The following RBFOX1 variants were observed in gnomAD, a reference collection of about 807,000 sequenced individuals.
RBFOX1 encodes RNA binding protein fox-1 homolog 1.
In RBFOX1, 8 loss-of-function variants were observed where a neutral mutation model predicts 57.7. The observed-to-expected ratio is 0.14, with a 90% confidence interval of 0.08 to 0.25. RBFOX1 has a LOEUF of 0.25. RBFOX1 is among the 10% of genes least tolerant of loss of function. The probability of loss-of-function intolerance (pLI) is 1.00; values close to 1 mark genes in which losing one functional copy is unlikely to be tolerated. For synonymous variants in RBFOX1, 326 were observed against 222.4 expected (o/e 1.47, Z -4.15); for missense variants, 611 against 548.5 (o/e 1.11, Z -1.14).
At chr16:6,975,206 C>G (rs898565866) in intron 3 of RBFOX1, among the ~76,000 whole-genome samples, 2 of 152,018 alleles carry the variant, frequency 1.3e-5, no homozygotes, top group Non-Finnish European at 2.9e-5. Context: ...AGCATCTGCC[C>G]GACGCACAGA....
chr16:5,250,050 T>C (rs1467389483), intron 1 of RBFOX1, among the ~76,000 whole-genome samples: 1 of 149,712 alleles, frequency 6.7e-6, no homozygotes, highest in Non-Finnish European at 1.5e-5. Flanking sequence ...AGGAGGAGGT[T>C]GTAGTGAGGA....
At position 7,587,240 on chromosome 16, in the gene RBFOX1, T is replaced by A; in HGVS notation, c.415-7T>A. ...CTTGCTTATAAGATATTTCTATTTC[T>A]TTGCAGCAATTTGGTAAAATCTTAG... On this transcript the variant is annotated splice_region_variant and splice_polypyrimidine_tract_variant and intron_variant, in intron 6 of 15. Coordinates refer to ENST00000550418, the MANE Select transcript of RBFOX1 (RefSeq NM_018723.4). 1 of 1,567,894 alleles carries A rather than the reference T, an allele frequency of 6.4e-7. No individual in the cohort carries two copies. The highest frequency in any genetic ancestry group is 8.6e-7 in the Non-Finnish European group (1 of 1,156,876).
At chr16:5,787,163 A>C (rs2054531162) in intron 3 of RBFOX1, among the ~76,000 whole-genome samples, 1 of 152,278 alleles carries the variant, frequency 6.6e-6, no homozygotes, top group African/African-American at 2.4e-5. Context: ...GGAGGAGCTC[A>C]TAGCATTTCT....
intron 3 of RBFOX1, among the ~76,000 whole-genome samples, chr16:5,774,944 A>T (rs1017302968): frequency 1.3e-5 from 2 of 152,120 alleles, no homozygotes; most frequent in African/African-American, 4.8e-5. Context: ...CGGCCTCCCA[A>T]AGTGTTGAGA....
chr16:7,039,415 C>G (rs1022429146), intron 3 of RBFOX1, among the ~76,000 whole-genome samples: 10 of 152,170 alleles, frequency 6.6e-5, no homozygotes, highest in African/African-American at 2.2e-4. Flanking sequence ...GGTGTGTTCT[C>G]CAAGCTATTT....
intron 4 of RBFOX1, among the ~76,000 whole-genome samples, chr16:7,245,285 A>C (rs1440932790): frequency 6.6e-6 from 1 of 152,138 alleles, no homozygotes; most frequent in Non-Finnish European, 1.5e-5. Context: ...TGAAGATGTT[A>C]TTTCATTATC....
At chr16:7,518,467 C>A (rs2076852208) in intron 5 of RBFOX1, 78 bp downstream of exon 5, 2 of 1,515,980 alleles carry the variant, frequency 1.3e-6, no homozygotes, top group Non-Finnish European at 1.8e-6. Context: ...GGGGGTGCAC[C>A]CCCATCTACC....
rs117297088 is a variant in RBFOX1 at position 7,423,948 on chromosome 16, G to A, written c.28-94199G>A. 6.2e-3 allele frequency among the ~76,000 whole-genome samples: 937 copies of A among 152,256 alleles called. 10 individuals are homozygous for A. The highest frequency in any genetic ancestry group is 0.027 in the South Asian group (131 of 4,822). On this transcript the variant is annotated intron_variant, in intron 4 of 15. Coordinates refer to ENST00000550418, the MANE Select transcript of RBFOX1 (RefSeq NM_018723.4). ...TTAATCCCAAGAAGTCACCTTTTTT[G>A]AAGATTACCTTGAAGCATCCAAAAG...
At chr16:6,595,779 A>G (rs7188830) in intron 2 of RBFOX1, among the ~76,000 whole-genome samples, 53,788 of 152,008 alleles carry the variant, frequency 0.35, 10,375 homozygotes, top group Non-Finnish European at 0.43. Flanking sequence ...CTCATCATGG[A>G]TTTGACTTGC....
At chr16:7,244,247 CAAAAAAAAAAAAA>C (rs60054791) in intron 4 of RBFOX1, among the ~76,000 whole-genome samples, 1 of 99,228 alleles carries the variant, frequency 1.0e-5, no homozygotes, top group Non-Finnish European at 2.1e-5. Flanking sequence ...CAAAGTATTC[CAAAAAAAAAAAAA>C]AAAAAAAAAA....
intron 13 of RBFOX1, among the ~76,000 whole-genome samples, chr16:7,668,551 G>A (rs962368060): frequency 1.6e-4 from 24 of 152,230 alleles, no homozygotes; most frequent in African/African-American, 5.5e-4. Context: ...CAGTGGAGAG[G>A]TGCAGGCACA....
chr16:7,060,698 G>C (rs531717323), intron 4 of RBFOX1, among the ~76,000 whole-genome samples: 60 of 152,186 alleles, frequency 3.9e-4, no homozygotes, highest in African/African-American at 1.3e-3. Flanking sequence ...AGTAATTTCT[G>C]GGACTCCCCA....
intron 4 of RBFOX1, among the ~76,000 whole-genome samples, chr16:7,147,302 G>C (rs916913952): frequency 1.3e-5 from 2 of 151,536 alleles, no homozygotes; most frequent in African/African-American, 2.4e-5. Flanking sequence ...ACCACACCTG[G>C]CCCTATTTTT....
chr16:6,796,611 T>G (rs1422824532), intron 3 of RBFOX1, among the ~76,000 whole-genome samples: 2 of 152,202 alleles, frequency 1.3e-5, no homozygotes, highest in Non-Finnish European at 2.9e-5. Flanking sequence ...TAAACACTTT[T>G]CAAAGGAACT....
At chr16:6,972,155 G>C (rs1243306777) in intron 3 of RBFOX1, among the ~76,000 whole-genome samples, 1 of 152,094 alleles carries the variant, frequency 6.6e-6, no homozygotes, top group Non-Finnish European at 1.5e-5. Flanking sequence ...TAGTTCAGTA[G>C]TGTTCAGTAT....
At chr16:6,796,679 T>C (rs1481136180) in intron 3 of RBFOX1, among the ~76,000 whole-genome samples, 1 of 152,202 alleles carries the variant, frequency 6.6e-6, no homozygotes, top group Non-Finnish European at 1.5e-5. Context: ...GTACAGATGT[T>C]ACCAATTGGT....
intron 11 of RBFOX1, among the ~76,000 whole-genome samples, chr16:7,649,210 A>G (rs1597284287): frequency 6.6e-6 from 1 of 152,328 alleles, no homozygotes. Context: ...ACTTGTTTAT[A>G]TAGGATAAAA....
intron 1 of RBFOX1, among the ~76,000 whole-genome samples, chr16:6,134,105 T>C (rs550610877): frequency 6.6e-6 from 1 of 151,924 alleles, no homozygotes; most frequent in South Asian, 2.1e-4. Flanking sequence ...CCCAGCTAAG[T>C]TTTGTATTTT....
At chr16:5,773,374 A>G (rs749318117) in intron 3 of RBFOX1, among the ~76,000 whole-genome samples, 6 of 152,334 alleles carry the variant, frequency 3.9e-5, no homozygotes, top group African/African-American at 1.4e-4. Flanking sequence ...AAACACACAC[A>G]CATCCATACA....
Sources: allele counts gnomAD v4.1 joint callset (sites outside exome capture counted in the v4.1 genomes callset), GRCh38; gene constraint gnomAD v4.1.1; transcripts MANE v1.5; gene names NCBI Gene and HGNC (gene_info 2026-07-23, HGNC 2026-07-21).